GABRR1: variants seen among roughly 807,000 people sequenced by gnomAD.
GABRR1 encodes the protein gamma-aminobutyric acid type A receptor subunit rho1, also known as gamma-aminobutyric acid receptor subunit rho-1.
In GABRR1, 59 loss-of-function variants were observed where a neutral mutation model predicts 55.5. The ratio of observed to expected loss-of-function variants is 1.06; its 90% CI spans 0.86 to 1.32. GABRR1 has a LOEUF of 1.32. Ranked by LOEUF, GABRR1 falls within the 40% of genes most tolerant of loss-of-function variation. The probability of loss-of-function intolerance (pLI) is 0.00; values close to 1 mark genes in which losing one functional copy is unlikely to be tolerated. For missense variants in GABRR1, 602 were observed against 619.1 expected, an observed-to-expected ratio of 0.97 and a Z score of 0.29; for synonymous variants, 213 against 226.0, an observed-to-expected ratio of 0.94 and a Z score of 0.51.
intron 5 of GABRR1, among the ~76,000 whole-genome samples, chr6:89,196,833 A>AAGAAAGAAAGAAAG (rs980386032): frequency 1.0e-5 from 1 of 96,208 alleles, no homozygotes; most frequent in African/African-American, 4.3e-5. Context: ...GAAAGAAAGA[A>AAGAAAGAAAGAAAG]AGAAAGAAAG....
chr6:89,203,283 G>A (rs573616956), intron 2 of GABRR1, 152 bp downstream of exon 2: 27 of 711,210 alleles, frequency 3.8e-5, no homozygotes, highest in East Asian at 7.9e-5. Context: ...CCTGACTGCC[G>A]TCTCCTTTCA....
intron 1 of GABRR1, among the ~76,000 whole-genome samples, chr6:89,213,889 T>C (rs1216001584): frequency 6.6e-6 from 1 of 151,740 alleles, no homozygotes; most frequent in Non-Finnish European, 1.5e-5. Flanking sequence ...AAATAATAGT[T>C]ATATGTGTCT....
chr6:89,208,033 C>G (rs1285719934), intron 1 of GABRR1, among the ~76,000 whole-genome samples: 4 of 152,186 alleles, frequency 2.6e-5, no homozygotes, highest in Non-Finnish European at 4.4e-5. Flanking sequence ...AAGTCCATTC[C>G]AGAAGGCGGC....
In GABRR1 at chr6:89,199,387, A is replaced by G. The variant is rs1270425605; in HGVS notation, c.323T>C (p.Leu108Ser). ...CATGTCAACCTCTGAGATGCTATCC[A>G]AACTCTCCACCTGCACATCCACACC... is the stretch of plus-strand genomic sequence containing the variant. ...PVGVDVQVESLDSISEVDMDF... is the reference protein window; with the variant it reads ...PVGVDVQVESSDSISEVDMDF... Residue 108 changes from leucine to serine, a missense_variant, in exon 4 of 10, where the codon TTG (leucine) becomes TCG (serine). This residue lies in a region of GABRR1 where 435 missense variants were observed against 424.2 expected (regional missense o/e 1.03). Transcript: ENST00000454853. 6.2e-7 allele frequency: 1 copy of G among 1,614,054 alleles called. No homozygotes were observed. The highest frequency in any genetic ancestry group is 1.7e-5 in the Admixed American group (1 of 60,022).
intron 1 of GABRR1, among the ~76,000 whole-genome samples, chr6:89,208,628 AT>A (rs1377127452): frequency 6.6e-6 from 1 of 152,238 alleles, no homozygotes; most frequent in Non-Finnish European, 1.5e-5. Flanking sequence ...AGAAGAAGGA[AT>A]TTGCTTCCAG....
At chr6:89,217,068 G>C in intron 1 of GABRR1, 133 bp downstream of exon 1, 2 of 872,394 alleles carry the variant, frequency 2.3e-6, no homozygotes, top group Non-Finnish European at 3.4e-6. Context: ...GGAGAACAAA[G>C]GGAAGGGGAA....
At chr6:89,190,419 A>C (rs1772050634) in intron 5 of GABRR1, among the ~76,000 whole-genome samples, 172 bp from the exon 6 acceptor site, 1 of 152,208 alleles carries the variant, frequency 6.6e-6, no homozygotes, top group African/African-American at 2.4e-5. Flanking sequence ...CCATCACTGG[A>C]GTACTCTTAG....
chr6:89,221,690 G>A (rs373189993), upstream of GABRR1, among the ~76,000 whole-genome samples: 2 of 152,210 alleles, frequency 1.3e-5, no homozygotes, highest in South Asian at 2.1e-4. Flanking sequence ...GACTGTACAC[G>A]TGCACCAATT....
At position 89,178,578 on chromosome 6, in the gene GABRR1, G is replaced by A. The variant is rs866173047; in HGVS notation, c.*192C>T. On this transcript the variant is annotated 3_prime_UTR_variant, in exon 10 of 10. Transcript: ENST00000454853. ...CTAATATAATGCTGTGTATTCAATA[G>A]ATGGTTAATAAGTGCAAATTAAACC... is the stretch of plus-strand genomic sequence containing the variant. 3.3e-6 allele frequency: 2 copies of A among 598,726 alleles called. No homozygotes were observed. The highest frequency in any genetic ancestry group is 5.6e-5 in the East Asian group (2 of 35,692). 37.1% of individuals were successfully genotyped at this position (598,726 alleles called of 1,614,324 possible).
At chr6:89,219,841 T>C (rs1411841654), upstream of GABRR1, among the ~76,000 whole-genome samples, 1 of 152,234 alleles carries the variant, frequency 6.6e-6, no homozygotes, top group Non-Finnish European at 1.5e-5. Context: ...ATGAGTTAAA[T>C]AAAATCTTCA....
chr6:89,230,562 A>T (rs1373656807), intron 1 of GABRR1, among the ~76,000 whole-genome samples: 2 of 152,118 alleles, frequency 1.3e-5, no homozygotes, highest in African/African-American at 2.4e-5. Context: ...GGTGCCTCCC[A>T]GTTAGGCTGC....
intron 1 of GABRR1, chr6:89,204,653 A>G: frequency 7.8e-7 from 1 of 1,287,152 alleles, no homozygotes; most frequent in Non-Finnish European, 1.0e-6. Flanking sequence ...GGTTTGTCAA[A>G]TTCTGAGATG....
chr6:89,190,822 C>G (rs1772063806), intron 5 of GABRR1, among the ~76,000 whole-genome samples: 1 of 152,154 alleles, frequency 6.6e-6, no homozygotes. Flanking sequence ...ACTGAAAGGT[C>G]TTACTGTGTT....
At chr6:89,202,493 A>T (rs1156856284) in intron 2 of GABRR1, among the ~76,000 whole-genome samples, 1 of 151,698 alleles carries the variant, frequency 6.6e-6, no homozygotes, top group East Asian at 2.0e-4. Context: ...GGGATTTGCC[A>T]TGTTGGCCAG....
chr6:89,229,553 T>C (rs13215071), intron 1 of GABRR1, among the ~76,000 whole-genome samples: 50,057 of 143,788 alleles, frequency 0.35, 9,505 homozygotes, highest in African/African-American at 0.43. Context: ...AAATTCTGCA[T>C]TGAAAATTCT....
chr6:89,219,467 C>G (rs933006178), upstream of GABRR1, among the ~76,000 whole-genome samples: 2 of 152,020 alleles, frequency 1.3e-5, no homozygotes, highest in African/African-American at 2.4e-5. Context: ...TTTCTGTGAT[C>G]AAGAATAATC....
Position 89,201,232 on chromosome 6 carries a change from T to C in GABRR1, c.207A>G (p.Lys69=), listed in dbSNP as rs747317306. Residue 69 remains lysine (K), a synonymous_variant, in exon 3 of 10, where the codon AAA becomes AAG. Coordinates refer to ENST00000454853, the MANE Select transcript of GABRR1 (RefSeq NM_002042.5). ...GCTGTTCTGACTTTGTCAGAGGCGATTTGGTGATGTCAGGACTTCGTCTCA... is the reference window on the plus strand; with the variant it reads ...GCTGTTCTGACTTTGTCAGAGGCGACTTGGTGATGTCAGGACTTCGTCTCA... The part of the protein sequence containing the change: ...PILRRSPDIT[K]SPLTKSEQLL... 22 of 1,614,164 alleles carry C rather than the reference T, an allele frequency of 1.4e-5. No homozygotes were observed. In the South Asian group the frequency reaches 2.1e-4, roughly 15 times the overall value.
At chr6:89,207,757 C>T (rs546669496) in intron 1 of GABRR1, among the ~76,000 whole-genome samples, 2 of 152,280 alleles carry the variant, frequency 1.3e-5, no homozygotes, top group South Asian at 4.1e-4. Context: ...AAGGGTGGGA[C>T]CCAGCCAGCA....
chr6:89,229,199 G>A (rs1358288112), intron 1 of GABRR1, among the ~76,000 whole-genome samples: 1 of 151,678 alleles, frequency 6.6e-6, no homozygotes, highest in Admixed American at 6.6e-5. Context: ...ACACTGATGG[G>A]TCTTGACTCT....
Sources: allele counts gnomAD v4.1 joint callset (sites outside exome capture counted in the v4.1 genomes callset), GRCh38; gene constraint gnomAD v4.1.1; regional missense constraint gnomAD v4.1.1; transcripts MANE v1.5; gene names NCBI Gene and HGNC (gene_info 2026-07-23, HGNC 2026-07-21).